EDIL3: variants seen among roughly 807,000 people sequenced by gnomAD.
EDIL3 encodes EGF-like repeat and discoidin I-like domain-containing protein 3.
A neutral mutation model predicts 67.4 loss-of-function variants in EDIL3; 37 were observed. That is an observed-to-expected ratio of 0.55 (90% CI 0.42 to 0.72). EDIL3 has a LOEUF of 0.72. Ranked by LOEUF, EDIL3 falls within the 30% of genes least tolerant of loss-of-function variation. EDIL3 has a pLI of 0.00. For synonymous variants in EDIL3, 195 were observed against 196.3 expected (o/e 0.99, Z 0.05); for missense variants, 527 against 586.3 (o/e 0.90, Z 1.04).
At chr5:84,367,731 C>T (rs922626413) in intron 1 of EDIL3, among the ~76,000 whole-genome samples, 4 of 152,042 alleles carry the variant, frequency 2.6e-5, no homozygotes, top group Admixed American at 6.6e-5. Context: ...TTCAGTGAGC[C>T]GAGATGGCTC....
chr5:84,112,055 G>A (rs901543897), intron 5 of EDIL3, among the ~76,000 whole-genome samples: 1 of 152,044 alleles, frequency 6.6e-6, no homozygotes, highest in African/African-American at 2.4e-5. Context: ...AGATCAAGAT[G>A]GGTTGGTGGG....
chr5:84,357,887 CAAAAAAAAAAA>C (rs140686250), intron 1 of EDIL3, among the ~76,000 whole-genome samples: 1,506 of 79,288 alleles, frequency 0.019, 30 homozygotes, highest in African/African-American at 0.071. Flanking sequence ...GACTCAGTCT[CAAAAAAAAAAA>C]AAAAAAAAAG....
chr5:84,129,812 T>G (rs1747929795), intron 5 of EDIL3, among the ~76,000 whole-genome samples: 2 of 152,268 alleles, frequency 1.3e-5, no homozygotes, highest in South Asian at 4.1e-4. Flanking sequence ...ATAAGATGAA[T>G]TTTTAGTATA....
chr5:84,219,956 G>A (rs999833661), intron 3 of EDIL3, among the ~76,000 whole-genome samples: 1 of 152,002 alleles, frequency 6.6e-6, no homozygotes, highest in Admixed American at 6.6e-5. Context: ...GCTGAAAAGG[G>A]TAGTGCAGGG....
rs148659321 is a variant in EDIL3, at chr5:84,219,677, C to A, written c.226+10178G>T. 2.2e-4 allele frequency among the ~76,000 whole-genome samples: 33 copies of A among 151,980 alleles called. No homozygotes were observed. In the East Asian group the frequency reaches 6.0e-3, roughly 28 times the overall value. ...AGCTGCACTCCCATGTTTATTGCAG[C>A]ACAATTCACAATAGCCAAGATTTGG... On this transcript the variant is annotated intron_variant, in intron 3 of 10. Coordinates refer to ENST00000296591, the MANE Select transcript of EDIL3 (RefSeq NM_005711.5).
chr5:84,006,639 G>A (rs1286392744), intron 9 of EDIL3, among the ~76,000 whole-genome samples: 1 of 152,092 alleles, frequency 6.6e-6, no homozygotes, highest in African/African-American at 2.4e-5. Context: ...TCATTACCTG[G>A]ATGATGAAAT....
chr5:84,014,625 C>A (rs968096470), intron 9 of EDIL3, among the ~76,000 whole-genome samples: 2 of 152,076 alleles, frequency 1.3e-5, no homozygotes, highest in Admixed American at 6.6e-5. Flanking sequence ...AGCCTGGAGA[C>A]AGAGCGAGAC....
intron 1 of EDIL3, among the ~76,000 whole-genome samples, chr5:84,368,159 T>C (rs1348438520): frequency 6.6e-6 from 1 of 152,052 alleles, no homozygotes; most frequent in Admixed American, 6.5e-5. Flanking sequence ...CCTAAGACCA[T>C]ATGAAATCTT....
chr5:84,069,347 A>G (rs553702581), intron 6 of EDIL3, among the ~76,000 whole-genome samples: 1 of 152,254 alleles, frequency 6.6e-6, no homozygotes, highest in South Asian at 2.1e-4. Context: ...GAAGGGAGGA[A>G]TGGACTAATG....
intron 1 of EDIL3, among the ~76,000 whole-genome samples, chr5:84,262,664 T>TTTTTTTG (rs1745254073): frequency 1.1e-5 from 1 of 90,104 alleles, no homozygotes; most frequent in African/African-American, 5.5e-5. Flanking sequence ...GGTTGGTTTT[T>TTTTTTTG]TTTTTTTTTT....
At chr5:84,171,708 G>C (rs1433665262) in intron 4 of EDIL3, among the ~76,000 whole-genome samples, 2 of 152,154 alleles carry the variant, frequency 1.3e-5, no homozygotes, top group Non-Finnish European at 2.9e-5. Context: ...TCTGTGCTTA[G>C]TTTCTTTAAG....
At chr5:84,308,306 C>CTGAGTGTGAATGG (rs1746313338) in intron 1 of EDIL3, among the ~76,000 whole-genome samples, 1 of 151,880 alleles carries the variant, frequency 6.6e-6, no homozygotes, top group South Asian at 2.1e-4. Context: ...GTGTGAATGG[C>CTGAGTGTGAATGG]CTGGAGGATA....
At chr5:84,287,729 C>T (rs1009732273) in intron 1 of EDIL3, among the ~76,000 whole-genome samples, 12 of 152,092 alleles carry the variant, frequency 7.9e-5, no homozygotes, top group African/African-American at 2.9e-4. Flanking sequence ...CAATGAGCAG[C>T]ATTAGACAGA....
At chr5:84,154,021 T>C (rs1452021420) in intron 4 of EDIL3, among the ~76,000 whole-genome samples, 1 of 152,198 alleles carries the variant, frequency 6.6e-6, no homozygotes, top group Non-Finnish European at 1.5e-5. Flanking sequence ...AGGTTTGGGC[T>C]GAAGTCAGCT....
chr5:84,291,834 T>C (rs13159946), intron 1 of EDIL3, among the ~76,000 whole-genome samples: 1 of 149,330 alleles, frequency 6.7e-6, no homozygotes, highest in Non-Finnish European at 1.5e-5. Context: ...CACACACATA[T>C]ATATATATAT....
intron 9 of EDIL3, among the ~76,000 whole-genome samples, chr5:84,053,598 T>C (rs1381444481): frequency 1.3e-5 from 2 of 152,034 alleles, no homozygotes; most frequent in African/African-American, 2.4e-5. Context: ...AAGAATCAAA[T>C]AGATCCAATA....
At chr5:84,354,117 A>G (rs1446947143) in intron 1 of EDIL3, among the ~76,000 whole-genome samples, 1 of 152,180 alleles carries the variant, frequency 6.6e-6, no homozygotes, top group African/African-American at 2.4e-5. Flanking sequence ...ATAAAATAAT[A>G]TCAATTAGAA....
intron 9 of EDIL3, among the ~76,000 whole-genome samples, chr5:83,981,387 A>C (rs2112149019): frequency 6.6e-6 from 1 of 152,200 alleles, no homozygotes; most frequent in African/African-American, 2.4e-5. Context: ...ACTTTTGTTA[A>C]ATTTGAGTAT....
Position 84,319,470 on chromosome 5 carries a change from A to C in EDIL3, c.67+64838T>G, listed in dbSNP as rs1359770951. ...CAGAACGAGACTCCGTCTCAAAAAA[A>C]AAAAAACAAAAAACAAAAAACAACA... On this transcript the variant is annotated intron_variant, in intron 1 of 10. Coordinates refer to ENST00000296591, the MANE Select transcript of EDIL3 (RefSeq NM_005711.5). Among the ~76,000 whole-genome samples the C allele has an allele frequency of 3.5e-4, 34 of 96,564 alleles. 2 individuals are homozygous for C. The highest frequency in any genetic ancestry group is 1.4e-3 in the Admixed American group (13 of 9,422). 63.3% of individuals were successfully genotyped at this position (96,564 alleles called of 152,430 possible).
Sources: gnomAD v4.1 joint callset for allele counts (sites outside exome capture counted in the v4.1 genomes callset) on GRCh38, gnomAD v4.1.1 for gene constraint, MANE v1.5 for transcripts, NCBI Gene and HGNC (gene_info 2026-07-23, HGNC 2026-07-21) for gene names.